PHF20L1: variants seen among roughly 807,000 people sequenced by gnomAD.
PHF20L1 encodes PHD finger protein 20 like 1.
Under a neutral mutation model 125.5 loss-of-function variants are expected in PHF20L1, and 44 were observed. The ratio of observed to expected loss-of-function variants is 0.35; its 90% CI spans 0.28 to 0.45. PHF20L1 has a LOEUF of 0.45. Among genes scored for constraint, PHF20L1 ranks in the 20% least tolerant of loss-of-function variants. The probability of loss-of-function intolerance (pLI) is 1.00; values close to 1 mark genes in which losing one functional copy is unlikely to be tolerated. For synonymous variants in PHF20L1, 380 were observed against 403.1 expected (o/e 0.94, Z 0.69); for missense variants, 1,012 against 1,217.2 (o/e 0.83, Z 2.51).
chr8:132,843,940 T>C, intron 19 of PHF20L1: 1 of 985,240 alleles, frequency 1.0e-6, no homozygotes, highest in Non-Finnish European at 1.2e-6. Flanking sequence ...TGTAGCACCA[T>C]GCGAGGCATA....
At position 132,777,842 on chromosome 8, in the gene PHF20L1, C is replaced by T; in HGVS notation, c.14C>T (p.Pro5Leu). The part of the protein sequence containing the change: MSKK[P>L]PNRPGITFEI... ...TAGGATCTCAAGATGAGTAAAAAGC[C>T]CCCAAATCGCCCTGGAATCACTTTT... is the stretch of plus-strand genomic sequence containing the variant. Residue 5 changes from proline to leucine, a missense_variant, in exon 2 of 21, where the codon CCC becomes CTC. Physicochemically the swap from Pro to Leu is moderately conservative, Grantham distance 98. Coordinates refer to ENST00000395386, the MANE Select transcript of PHF20L1 (RefSeq NM_016018.5). 1.2e-6 allele frequency: 2 copies of T among 1,612,188 alleles called. No homozygotes were observed. Among genetic ancestry groups the T allele is most frequent in the Non-Finnish European group, 1.7e-6 (2 of 1,178,412 alleles).
At chr8:132,797,570 A>G (rs1832550582) in intron 4 of PHF20L1, among the ~76,000 whole-genome samples, 2 of 152,074 alleles carry the variant, frequency 1.3e-5, no homozygotes, top group South Asian at 4.1e-4. Flanking sequence ...AGAAAGTTGC[A>G]GGAAAGATGG....
In PHF20L1 at chr8:132,817,386, C is replaced by T. The variant is rs747209354; in HGVS notation, c.1420C>T (p.Pro474Ser). The change falls in exon 12 of 21, where the codon CCT becomes TCT. Residue 474 changes from proline (P) to serine (S), a missense_variant. This residue lies in a region of PHF20L1 where 320 missense variants were observed against 293.8 expected (regional missense o/e 1.09). Coordinates refer to ENST00000395386, the MANE Select transcript of PHF20L1 (RefSeq NM_016018.5). ...ACTTGAGAAGCTGGGACCCTGTCTC[C>T]CTCTTGACTTAAGTCGTGGTTCAGA... is the stretch of plus-strand genomic sequence containing the variant. ...LPLEKLGPCLPLDLSRGSEVT... is the reference protein window; with the variant it reads ...LPLEKLGPCLSLDLSRGSEVT... 5.0e-6 allele frequency: 8 copies of T among 1,612,642 alleles called. No individual in the cohort carries two copies. In the Admixed American group the frequency reaches 6.7e-5, roughly 13 times the overall value.
intron 9 of PHF20L1, 133 bp from the exon 10 acceptor site, chr8:132,814,504 A>G: frequency 1.8e-6 from 1 of 549,472 alleles, no homozygotes; most frequent in Non-Finnish European, 2.9e-6. Context: ...TTGGTTTTTC[A>G]TTTGTAATAG....
chr8:132,804,134 T>C, intron 7 of PHF20L1, 102 bp downstream of exon 7: 1 of 766,406 alleles, frequency 1.3e-6, no homozygotes, highest in Non-Finnish European at 2.1e-6. Context: ...ATAATTAAAT[T>C]TGTAGGCTTT....
intron 10 of PHF20L1, 32 bp downstream of exon 10, chr8:132,814,921 A>G (rs1012639918): frequency 1.4e-6 from 2 of 1,432,390 alleles, no homozygotes; most frequent in South Asian, 1.3e-5. Context: ...ATAGTTATTT[A>G]TCCTATAAGA....
intron 16 of PHF20L1, among the ~76,000 whole-genome samples, chr8:132,837,105 A>T (rs977341335): frequency 1.3e-5 from 2 of 152,136 alleles, no homozygotes; most frequent in African/African-American, 4.8e-5. Flanking sequence ...AAAACATAAA[A>T]ATGTCCAGTA....
intron 2 of PHF20L1, among the ~76,000 whole-genome samples, chr8:132,793,947 A>G (rs951450281): frequency 3.9e-5 from 6 of 152,178 alleles, no homozygotes; most frequent in Admixed American, 1.3e-4. Flanking sequence ...TTCTTTGTAA[A>G]CACCACATTC....
At chr8:132,843,611 G>GTA (rs1049257393) in intron 19 of PHF20L1, 210 of 920,754 alleles carry the variant, frequency 2.3e-4, no homozygotes, top group Non-Finnish European at 2.6e-4. Context: ...CACATTGTGT[G>GTA]TGTGTGTGTG....
At chr8:132,797,025 C>G (rs1050125688) in intron 4 of PHF20L1, among the ~76,000 whole-genome samples, 2 of 152,158 alleles carry the variant, frequency 1.3e-5, no homozygotes, top group African/African-American at 4.8e-5. Flanking sequence ...ATTCTTTATT[C>G]TATCCCTTTC....
chr8:132,777,779 T>G lies in PHF20L1; in HGVS notation c.-37-13T>G, dbSNP rs766706128. 2 of 1,204,882 alleles carry G rather than the reference T, an allele frequency of 1.7e-6. No homozygotes were observed. Among genetic ancestry groups the G allele is most frequent in the East Asian group, 4.7e-5 (2 of 42,918 alleles). 74.6% of individuals were successfully genotyped at this position (1,204,882 alleles called of 1,614,324 possible). On this transcript the variant is annotated splice_polypyrimidine_tract_variant and intron_variant, in intron 1 of 20. Coordinates refer to ENST00000395386, the MANE Select transcript of PHF20L1 (RefSeq NM_016018.5). ...TTTCTGCATTGGAATCTAACTTTTT[T>G]CTTTCTCTTGAGGTAGTGAAAAGAG...
intron 19 of PHF20L1, chr8:132,843,091 T>G: frequency 7.9e-7 from 1 of 1,258,274 alleles, no homozygotes; most frequent in Non-Finnish European, 1.0e-6. Context: ...AGTAATTCAA[T>G]AAACTGTTAC....
intron 20 of PHF20L1, among the ~76,000 whole-genome samples, chr8:132,844,632 G>A (rs1250308610): frequency 6.6e-6 from 1 of 152,052 alleles, no homozygotes; most frequent in African/African-American, 2.4e-5. Context: ...GCTTTCTTTG[G>A]AAGTCAACAT....
At chr8:132,801,529 GT>G (rs1833045230) in intron 6 of PHF20L1, among the ~76,000 whole-genome samples, 1 of 151,668 alleles carries the variant, frequency 6.6e-6, no homozygotes, top group African/African-American at 2.4e-5. Flanking sequence ...ATTAGTTATA[GT>G]TCATGGAAAG....
Position 132,791,254 on chromosome 8 carries a change from CTT to C in PHF20L1, c.84-3134_84-3133del, listed in dbSNP as rs1184118420. Reference sequence around the variant, plus strand: ...GCCCATCAGTGATAGGAGTTATTTCCTTTTTTTTTTTTTTTTTTTTTTTAATA... The same window carrying C: ...GCCCATCAGTGATAGGAGTTATTTCCTTTTTTTTTTTTTTTTTTTTTAATA... On this transcript the variant is annotated intron_variant, in intron 2 of 20. Transcript: ENST00000395386. Among the ~76,000 whole-genome samples, 650 of 117,062 alleles carry C rather than the reference CTT, an allele frequency of 5.6e-3. 6 individuals are homozygous for C. The highest frequency in any genetic ancestry group is 0.021 in the African/African-American group (599 of 28,758). The allele number at this position is 117,062 out of a possible 152,430, so 76.8% of individuals were successfully genotyped here. A position where few individuals can be genotyped will look rare whatever the true frequency, so the allele number is the denominator to read the frequency against.
At chr8:132,805,998 C>G (rs564402493) in intron 8 of PHF20L1, among the ~76,000 whole-genome samples, 7 of 151,840 alleles carry the variant, frequency 4.6e-5, no homozygotes, top group Non-Finnish European at 1.0e-4. Context: ...TCAGTTTTGC[C>G]TTAAAATATG....
At position 132,823,610 on chromosome 8, in the gene PHF20L1, A is replaced by T. The variant is rs200159191; in HGVS notation, c.1580-394A>T. On this transcript the variant is annotated intron_variant, in intron 12 of 20. Coordinates refer to ENST00000395386, the MANE Select transcript of PHF20L1 (RefSeq NM_016018.5). ...AGAAAATGAAAAAAATTACGTATTT[A>T]CCAGTCTTTGGACTAGACATCTTCC... is the stretch of plus-strand genomic sequence containing the variant. Among the ~76,000 whole-genome samples, 6 of 151,946 alleles carry T rather than the reference A, an allele frequency of 3.9e-5. No homozygotes were observed. The East Asian group carries it at 1.2e-3, about 29-fold the overall frequency.
chr8:132,816,066 A>C (rs13262500), intron 10 of PHF20L1: 26 of 151,718 alleles, frequency 1.7e-4, no homozygotes, highest in African/African-American at 6.3e-4. Context: ...ATGTCTTTAG[A>C]CTGTTCTTAT....
chr8:132,843,210 G>A, intron 19 of PHF20L1: 1 of 1,011,146 alleles, frequency 9.9e-7, no homozygotes, highest in Non-Finnish European at 1.2e-6. Flanking sequence ...AGTACATATG[G>A]GTGTAATGAT....
Sources: allele counts gnomAD v4.1 joint callset (sites outside exome capture counted in the v4.1 genomes callset), GRCh38; gene constraint gnomAD v4.1.1; regional missense constraint gnomAD v4.1.1; transcripts MANE v1.5; gene names NCBI Gene and HGNC (gene_info 2026-07-23, HGNC 2026-07-21).